GRID2: variants seen among roughly 807,000 people sequenced by gnomAD.
The protein encoded by GRID2 is glutamate ionotropic receptor delta type subunit 2, also known as glutamate receptor ionotropic, delta-2.
In GRID2, 33 loss-of-function variants were observed where a neutral mutation model predicts 114.8. That is an observed-to-expected ratio of 0.29 (90% CI 0.22 to 0.38). The LOEUF is 0.38. Among genes scored for constraint, GRID2 ranks in the 10% least tolerant of loss-of-function variants. The pLI is 1.00. For missense variants in GRID2, 1,184 were observed against 1,257.7 expected (o/e 0.94, Z 0.89); for synonymous variants, 505 against 449.9 (o/e 1.12, Z -1.55).
chr4:93,163,384 A>ATATACACTATATATATATATATATG (rs1560941767), intron 4 of GRID2, among the ~76,000 whole-genome samples: 15 of 39,396 alleles, frequency 3.8e-4, no homozygotes, highest in African/African-American at 1.8e-3. Flanking sequence ...ATATATATAT[A>ATATACACTATATATATATATATATG]TATATATATA....
intron 1 of GRID2, among the ~76,000 whole-genome samples, chr4:92,374,993 A>G (rs776101902): frequency 1.3e-5 from 2 of 152,152 alleles, no homozygotes; most frequent in Non-Finnish European, 2.9e-5. Context: ...AATAAACCAG[A>G]CAGCAAGAGG....
At chr4:92,974,648 C>A (rs1048196181) in intron 2 of GRID2, among the ~76,000 whole-genome samples, 6 of 151,310 alleles carry the variant, frequency 4.0e-5, no homozygotes, top group Non-Finnish European at 5.9e-5. Flanking sequence ...AACACATGGA[C>A]ACAGGAAGGG....
At chr4:92,973,781 ATGAC>A (rs1421396291) in intron 2 of GRID2, among the ~76,000 whole-genome samples, 1 of 152,184 alleles carries the variant, frequency 6.6e-6, no homozygotes, top group Non-Finnish European at 1.5e-5. Flanking sequence ...TTATTTTTAA[ATGAC>A]TGGGAATTGT....
At chr4:93,453,316 A>AGAGAGAGAGAGAGAGAG (rs1553932509) in intron 10 of GRID2, among the ~76,000 whole-genome samples, 1 of 127,210 alleles carries the variant, frequency 7.9e-6, no homozygotes, top group East Asian at 3.0e-4. Context: ...AGAGATGGGA[A>AGAGAGAGAGAGAGAGAG]AGAGAGAGAG....
At chr4:93,719,628 T>C (rs1729188330) in intron 14 of GRID2, among the ~76,000 whole-genome samples, 1 of 152,218 alleles carries the variant, frequency 6.6e-6, no homozygotes, top group Non-Finnish European at 1.5e-5. Context: ...GTTTCTATGA[T>C]GAAATCTATA....
intron 13 of GRID2, among the ~76,000 whole-genome samples, chr4:93,530,146 A>G (rs1232640188): frequency 1.3e-5 from 2 of 152,038 alleles, no homozygotes; most frequent in African/African-American, 2.4e-5. Flanking sequence ...AATTCATGTC[A>G]TTATTACCAT....
intron 8 of GRID2, among the ~76,000 whole-genome samples, chr4:93,351,979 A>G (rs867824908): frequency 6.6e-6 from 1 of 152,006 alleles, no homozygotes; most frequent in Admixed American, 6.6e-5. Flanking sequence ...TTCATCCTCT[A>G]TGACTCACTC....
At chr4:93,587,466 A>C (rs917804217) in intron 13 of GRID2, among the ~76,000 whole-genome samples, 10 of 152,120 alleles carry the variant, frequency 6.6e-5, no homozygotes, top group Admixed American at 2.0e-4. Flanking sequence ...ATGTACTGCT[A>C]ATACTACTGT....
At chr4:92,724,257 T>C (rs1244309579) in intron 2 of GRID2, among the ~76,000 whole-genome samples, 1 of 152,092 alleles carries the variant, frequency 6.6e-6, no homozygotes, top group Non-Finnish European at 1.5e-5. Flanking sequence ...GGTCTGAGAA[T>C]AAAATATTTC....
intron 2 of GRID2, among the ~76,000 whole-genome samples, chr4:92,966,252 G>A (rs907708342): frequency 6.6e-6 from 1 of 151,864 alleles, no homozygotes; most frequent in Non-Finnish European, 1.5e-5. Flanking sequence ...GAAAAATGCA[G>A]GATGTTAAGG....
intron 2 of GRID2, among the ~76,000 whole-genome samples, chr4:92,882,046 A>G (rs1485318495): frequency 6.6e-6 from 1 of 152,206 alleles, no homozygotes; most frequent in Non-Finnish European, 1.5e-5. Context: ...GCTGGGGCAG[A>G]TTATGGCTCA....
chr4:93,801,053 A>G (rs1360930068), intron 1 of GRID2, among the ~76,000 whole-genome samples: 4 of 152,206 alleles, frequency 2.6e-5, no homozygotes, highest in Non-Finnish European at 5.9e-5. Context: ...TCAAATTTCT[A>G]TTTTTTCCCA....
At chr4:93,255,697 G>A (rs1035706996) in intron 8 of GRID2, among the ~76,000 whole-genome samples, 1 of 152,076 alleles carries the variant, frequency 6.6e-6, no homozygotes, top group Non-Finnish European at 1.5e-5. Flanking sequence ...CTTTGGACAT[G>A]TCTACTTCCC....
chr4:93,625,101 T>C (rs1181502286), intron 13 of GRID2, among the ~76,000 whole-genome samples: 1 of 152,248 alleles, frequency 6.6e-6, no homozygotes, highest in Non-Finnish European at 1.5e-5. Flanking sequence ...ATTGTCATTT[T>C]TTCTTCAATG....
chr4:92,697,316 C>T (rs1008051753), intron 2 of GRID2, among the ~76,000 whole-genome samples: 2 of 152,056 alleles, frequency 1.3e-5, no homozygotes, highest in African/African-American at 4.8e-5. Flanking sequence ...CCTGATGATA[C>T]CTTCATACAA....
chr4:93,319,829 A>G (rs2149206351), intron 8 of GRID2: 1 of 152,236 alleles, frequency 6.6e-6, no homozygotes, highest in East Asian at 1.9e-4. Context: ...AATTTTGCCA[A>G]CCGTTAGAAT....
chr4:93,264,614 A>G (rs925471816), intron 8 of GRID2, among the ~76,000 whole-genome samples: 2 of 149,812 alleles, frequency 1.3e-5, no homozygotes, highest in African/African-American at 4.9e-5. Flanking sequence ...TGTTCCTACA[A>G]TTTCTCTTCT....
At chr4:92,405,921 A>G (rs1273346838) in intron 1 of GRID2, among the ~76,000 whole-genome samples, 1 of 152,132 alleles carries the variant, frequency 6.6e-6, no homozygotes, top group Non-Finnish European at 1.5e-5. Flanking sequence ...ACAAGGTCCC[A>G]CAACAGGCCG....
chr4:92,975,369 T>G (rs1753806295), intron 2 of GRID2, among the ~76,000 whole-genome samples: 1 of 152,066 alleles, frequency 6.6e-6, no homozygotes, highest in Non-Finnish European at 1.5e-5. Flanking sequence ...CTTAAGATAC[T>G]TGGTTAGACC....
Sources: allele counts gnomAD v4.1 joint callset (sites outside exome capture counted in the v4.1 genomes callset), GRCh38; gene constraint gnomAD v4.1.1; transcripts MANE v1.5; gene names NCBI Gene and HGNC (gene_info 2026-07-23, HGNC 2026-07-21).